SEPTIN1: variants seen among roughly 807,000 people sequenced by gnomAD.
SEPTIN1 encodes the protein septin-1.
Under a neutral mutation model 50.7 loss-of-function variants are expected in SEPTIN1, and 52 were observed. The observed-to-expected ratio is 1.03, with a 90% CI of 0.82 to 1.29. SEPTIN1 has a LOEUF of 1.29. Among genes scored for constraint, SEPTIN1 ranks in the 50% most tolerant of loss-of-function variants. The pLI, the probability that SEPTIN1 is intolerant of heterozygous loss-of-function variation, is 0.00. For missense variants in SEPTIN1, 455 were observed against 490.7 expected (o/e 0.93, Z 0.69); for synonymous variants, 204 against 189.1 (o/e 1.08, Z -0.65).
Position 30,381,212 on chromosome 16 carries a change from G to A in SEPTIN1, c.488C>T (p.Ala163Val). 3.1e-6 allele frequency: 5 copies of A among 1,614,038 alleles called. No individual in the cohort carries two copies. Among genetic ancestry groups the A allele is most frequent in the Non-Finnish European group, 4.2e-6 (5 of 1,180,010 alleles). The change falls in exon 6 of 11, where the codon GCA (alanine) becomes GTA (valine). Residue 163 changes from alanine to valine, a missense_variant. Physicochemically the swap from Ala to Val is moderately conservative, Grantham distance 64. Transcript: ENST00000321367. The surrounding 1 kb of genome is among the most constrained non-coding windows in gnomAD (Gnocchi z 4.3). Reference protein sequence around the residue: ...LRPLDVAFLRAVHEKVNIIPV... With the variant: ...LRPLDVAFLRVVHEKVNIIPV... ...GATGATGTTGACTTTCTCGTGTACT[G>A]CCCGGAGGAAGGCCACATCTAGGGG...
intron 6 of SEPTIN1, 41 bp from the exon 7 acceptor site, chr16:30,380,074 C>A (rs1165177511): frequency 1.3e-6 from 2 of 1,523,386 alleles, no homozygotes; most frequent in East Asian, 2.3e-5. Context: ...AAACGGGCCA[C>A]AATGACAGAC....
chr16:30,381,469 G>A lies in SEPTIN1; in HGVS notation c.325C>T (p.Leu109Phe), dbSNP rs2049848166. 3 of 1,614,110 alleles carry A rather than the reference G, an allele frequency of 1.9e-6. No homozygotes were observed. Among genetic ancestry groups the A allele is most frequent in the Non-Finnish European group, 2.5e-6 (3 of 1,180,020 alleles). ...TCCTCGATGAATTTCACCACCGGAA[G>A]CCAGCTGGGTGTGGGGAGAGGATGT... ...GDSVDCSDCW[L>F]PVVKFIEEQF... The change falls in exon 5 of 11, where the codon CTT (leucine) becomes TTT (phenylalanine). Residue 109 changes from leucine to phenylalanine, a missense_variant. Leu to Phe is a conservative substitution (Grantham distance 22, BLOSUM62 0). Transcript: ENST00000321367. The surrounding 1 kb of genome is among the most constrained non-coding windows in gnomAD (Gnocchi z 4.3).
At chr16:30,380,948 T>A in intron 6 of SEPTIN1, 179 bp downstream of exon 6, 1 of 668,016 alleles carries the variant, frequency 1.5e-6, no homozygotes, top group South Asian at 1.8e-5. Context: ...GTAGCCTATT[T>A]TGAGCCTTCA....
Position 30,381,695 on chromosome 16 carries a change from C to G in SEPTIN1, c.320+65G>C. ...GATAGGGAGCCAGCACAAACCAGTC[C>G]TGTAACTCTCCAGGGAGTCGCCACT... On this transcript the variant is annotated intron_variant, in intron 4 of 10. Transcript: ENST00000321367. This position sits in a 1 kb window ranked among gnomAD's most constrained non-coding sequence, Gnocchi z 4.3. 1 of 1,597,918 alleles carries G rather than the reference C, an allele frequency of 6.3e-7. No individual in the cohort carries two copies. The highest frequency in any genetic ancestry group is 8.5e-7 in the Non-Finnish European group (1 of 1,172,210).
intron 6 of SEPTIN1, 29 bp from the exon 7 acceptor site, chr16:30,380,062 T>A: frequency 6.3e-7 from 1 of 1,577,278 alleles, no homozygotes; most frequent in Non-Finnish European, 8.6e-7. Flanking sequence ...AGAGACAGTG[T>A]GAAACGGGCC....
At chr16:30,380,181 G>A (rs180793843) in intron 6 of SEPTIN1, 148 bp from the exon 7 acceptor site, 154 of 539,150 alleles carry the variant, frequency 2.9e-4, no homozygotes, top group Middle Eastern at 2.5e-3. Context: ...TGGACATACA[G>A]GAAGACAAAA....
In SEPTIN1 at chr16:30,378,719, GGGACA is replaced by G; in HGVS notation, c.942-24_942-20del. 1.2e-6 allele frequency: 2 copies of G among 1,602,410 alleles called. No individual in the cohort carries two copies. Among genetic ancestry groups the G allele is most frequent in the South Asian group, 2.2e-5 (2 of 90,900 alleles). On this transcript the variant is annotated intron_variant, in intron 9 of 10. Coordinates refer to ENST00000321367, the MANE Select transcript of SEPTIN1 (RefSeq NM_001365977.2). ...AAGCTTACTGCGGGACAGTGGGAAG[GGGACA>G]GGAATCAGGAGCGGGACCTGAGGTT...
intron 7 of SEPTIN1, 106 bp from the exon 8 acceptor site, chr16:30,379,640 CTTT>C (rs71149011): frequency 0.01 from 2,391 of 238,274 alleles, 1 homozygote; most frequent in Middle Eastern, 0.012. Context: ...GCCCCTTCCT[CTTT>C]TTTTTTTTTT....
Position 30,378,353 on chromosome 16 carries a change from C to G in SEPTIN1, c.*81G>C. 7.5e-7 allele frequency: 1 copy of G among 1,329,604 alleles called. No individual in the cohort carries two copies. Among genetic ancestry groups the G allele is most frequent in the Non-Finnish European group, 1.0e-6 (1 of 989,450 alleles). The allele number at this position is 1,329,604 out of a possible 1,614,324, so 82.4% of individuals were successfully genotyped here. A position where few individuals can be genotyped will look rare whatever the true frequency, so the allele number is the denominator to read the frequency against. On this transcript the variant is annotated 3_prime_UTR_variant, in exon 11 of 11. Transcript: ENST00000321367. The stretch of plus-strand genomic sequence containing the variant: ...CGGCACCCGCGGAGGTCCCGGGGGG[C>G]GCTGGGCAGTGTGGGGCGCGGGGAT...
Position 30,381,543 on chromosome 16 carries a change from CTG to C in SEPTIN1, c.321-72_321-71del, listed in dbSNP as rs952154686. 2.4e-5 allele frequency: 38 copies of C among 1,578,008 alleles called. No individual in the cohort carries two copies. Among genetic ancestry groups the C allele is most frequent in the Non-Finnish European group, 3.2e-5 (37 of 1,151,078 alleles). ...GGGCAGGGGGCAAGGCTAGCCAGGA[CTG>C]TGGGAGTAGAATGTCATTTCTTTGG... On this transcript the variant is annotated intron_variant, in intron 4 of 10. Transcript: ENST00000321367. The surrounding 1 kb of genome is among the most constrained non-coding windows in gnomAD (Gnocchi z 4.3).
rs764119149 is a variant in SEPTIN1, at chr16:30,380,029, C to T, written c.578G>A (p.Arg193Gln). 13 of 1,609,608 alleles carry T rather than the reference C, an allele frequency of 8.1e-6. No individual in the cohort carries two copies. Among genetic ancestry groups the T allele is most frequent in the Middle Eastern group, 1.6e-4 (1 of 6,076 alleles). The stretch of plus-strand genomic sequence containing the variant: ...GATCTCCTCTTCCTTCAACTGATCC[C>T]GGATCTCAGGGGAAACAGATATAGA... Reference protein sequence around the residue: ...QETQALKQKIRDQLKEEEIHI... With the variant: ...QETQALKQKIQDQLKEEEIHI... Residue 193 changes from arginine (R) to glutamine (Q), a missense_variant, in exon 7 of 11, where the codon CGG becomes CAG. Arg to Gln is a conservative substitution (Grantham distance 43, BLOSUM62 1). Coordinates refer to ENST00000321367, the MANE Select transcript of SEPTIN1 (RefSeq NM_001365977.2).
At chr16:30,379,864 C>T in intron 7 of SEPTIN1, 68 bp downstream of exon 7, 4 of 871,316 alleles carry the variant, frequency 4.6e-6, no homozygotes. Flanking sequence ...GTCTCAGCCT[C>T]CCAAAGTGCT....
Position 30,381,570 on chromosome 16 carries a change from G to T in SEPTIN1, c.321-97C>A. On this transcript the variant is annotated intron_variant, in intron 4 of 10. Coordinates refer to ENST00000321367, the MANE Select transcript of SEPTIN1 (RefSeq NM_001365977.2). The surrounding 1 kb of genome is among the most constrained non-coding windows in gnomAD (Gnocchi z 4.3). Reference sequence around the variant, plus strand: ...GTGGGAGTAGAATGTCATTTCTTTGGCTCCCTCCAAAGACATTAAGGGGAA... The same window carrying T: ...GTGGGAGTAGAATGTCATTTCTTTGTCTCCCTCCAAAGACATTAAGGGGAA... 1 of 1,528,794 alleles carries T rather than the reference G, an allele frequency of 6.5e-7. No homozygotes were observed. 94.7% of individuals were successfully genotyped at this position (1,528,794 alleles called of 1,614,324 possible).
chr16:30,379,378 G>A, intron 8 of SEPTIN1, 57 bp downstream of exon 8: 17 of 1,512,720 alleles, frequency 1.1e-5, no homozygotes, highest in Non-Finnish European at 1.5e-5. Flanking sequence ...GAGTGCGCCT[G>A]ACCCAGAGGC....
chr16:30,379,076 G>C lies in SEPTIN1; in HGVS notation c.883C>G (p.Arg295Gly). The C allele has an allele frequency of 6.2e-7, 1 of 1,614,032 alleles. No homozygotes were observed. The highest frequency in any genetic ancestry group is 8.5e-7 in the Non-Finnish European group (1 of 1,179,964). The change falls in exon 9 of 11, where the codon CGG (arginine) becomes GGG (glycine). Residue 295 changes from arginine to glycine, a missense_variant. Arg to Gly is a moderately radical substitution (Grantham distance 125, BLOSUM62 -2). Coordinates refer to ENST00000321367, the MANE Select transcript of SEPTIN1 (RefSeq NM_001365977.2). ...VTHDLLYEGY[R>G]ARCLQSLARP... ...GCCAGGCTCTGTAGGCAGCGGGCCC[G>C]GTAGCCCTCGTAGAGCAGATCGTGC...
Position 30,381,194 on chromosome 16 carries a change from T to C in SEPTIN1, c.506A>G (p.Asn169Ser), listed in dbSNP as rs749831958. 7 of 1,613,976 alleles carry C rather than the reference T, an allele frequency of 4.3e-6. No homozygotes were observed. The highest frequency in any genetic ancestry group is 2.2e-5 in the East Asian group (1 of 44,898). Residue 169 changes from asparagine (N) to serine (S), a missense_variant, in exon 6 of 11, where the codon AAC becomes AGC. Coordinates refer to ENST00000321367, the MANE Select transcript of SEPTIN1 (RefSeq NM_001365977.2). This position sits in a 1 kb window ranked among gnomAD's most constrained non-coding sequence, Gnocchi z 4.3. Reference sequence around the variant, plus strand: ...CGCTTTGCCAATGACTGGGATGATGTTGACTTTCTCGTGTACTGCCCGGAG... The same window carrying C: ...CGCTTTGCCAATGACTGGGATGATGCTGACTTTCTCGTGTACTGCCCGGAG... ...AFLRAVHEKV[N>S]IIPVIGKADA...
At position 30,381,050 on chromosome 16, in the gene SEPTIN1, T is replaced by G; in HGVS notation, c.573+77A>C. 1 of 1,212,016 alleles carries G rather than the reference T, an allele frequency of 8.3e-7. No individual in the cohort carries two copies. Among genetic ancestry groups the G allele is most frequent in the Non-Finnish European group, 1.2e-6 (1 of 814,388 alleles). The allele number at this position is 1,212,016 out of a possible 1,614,324, so 75.1% of individuals were successfully genotyped here. On this transcript the variant is annotated intron_variant, in intron 6 of 10. Coordinates refer to ENST00000321367, the MANE Select transcript of SEPTIN1 (RefSeq NM_001365977.2). This position sits in a 1 kb window ranked among gnomAD's most constrained non-coding sequence, Gnocchi z 4.3. ...ATGCACCATGCTCCAGAAAGGCCACTTCAAGATCAAAGAAGTCTAAGCTGA... is the reference window on the plus strand; with the variant it reads ...ATGCACCATGCTCCAGAAAGGCCACGTCAAGATCAAAGAAGTCTAAGCTGA...
chr16:30,380,051 T>C lies in SEPTIN1; in HGVS notation c.574-18A>G. 1 of 1,599,066 alleles carries C rather than the reference T, an allele frequency of 6.3e-7. No homozygotes were observed. Among genetic ancestry groups the C allele is most frequent in the Non-Finnish European group, 8.5e-7 (1 of 1,172,280 alleles). ...TCCCGGATCTCAGGGGAAACAGATATAGAGACAGTGTGAAACGGGCCACAA... is the reference window on the plus strand; with the variant it reads ...TCCCGGATCTCAGGGGAAACAGATACAGAGACAGTGTGAAACGGGCCACAA... On this transcript the variant is annotated intron_variant, in intron 6 of 10. Coordinates refer to ENST00000321367, the MANE Select transcript of SEPTIN1 (RefSeq NM_001365977.2).
In SEPTIN1 at chr16:30,381,876, C is replaced by G; in HGVS notation, c.204G>C (p.Leu68Phe). The part of the protein sequence containing the change: ...DRQVPEASAR[L>F]TQTLAIERRG... ...GGCGCTCAATGGCCAGGGTCTGTGT[C>G]AAGCGAGCTGTGGGATGGGGGAGAG... The change falls in exon 4 of 11, where the codon TTG becomes TTC. Residue 68 changes from leucine (L) to phenylalanine (F), a missense_variant. By Grantham distance (22) the Leu-to-Phe change is conservative (BLOSUM62 0). Transcript: ENST00000321367. This position sits in a 1 kb window ranked among gnomAD's most constrained non-coding sequence, Gnocchi z 4.3. 1.2e-6 allele frequency: 2 copies of G among 1,614,126 alleles called. No individual in the cohort carries two copies. The highest frequency in any genetic ancestry group is 1.7e-6 in the Non-Finnish European group (2 of 1,179,994).
Sources: gnomAD v4.1 joint callset for allele counts on GRCh38, gnomAD v4.1.1 for gene constraint, Gnocchi (gnomAD v3.1) non-coding constraint, MANE v1.5 for transcripts, NCBI Gene and HGNC (gene_info 2026-07-23, HGNC 2026-07-21) for gene names.